The following PIK3C2A variants were observed in gnomAD, a reference collection of about 807,000 sequenced individuals.
PIK3C2A encodes phosphatidylinositol-4-phosphate 3-kinase catalytic subunit type 2 alpha, also known as phosphatidylinositol 4-phosphate 3-kinase C2 domain-containing subunit alpha.
A neutral mutation model predicts 204.5 loss-of-function variants in PIK3C2A; 97 were observed. That is an observed-to-expected ratio of 0.47 (90% CI 0.40 to 0.56). The LOEUF (loss-of-function observed/expected upper bound fraction) is 0.56, where lower values mean the gene tolerates loss of function less well. Among genes scored for constraint, PIK3C2A ranks in the 20% least tolerant of loss-of-function variants. PIK3C2A has a pLI of 0.00. For missense variants in PIK3C2A, 1,735 were observed against 1,969.2 expected, an observed-to-expected ratio of 0.88 and a Z score of 2.25; for synonymous variants, 653 against 664.4, an observed-to-expected ratio of 0.98 and a Z score of 0.26.
At position 17,091,395 on chromosome 11, in the gene PIK3C2A, T is replaced by C. The variant is rs760437458; in HGVS notation, c.4817A>G (p.Lys1606Arg). The C allele has an allele frequency of 1.8e-5, 29 of 1,613,924 alleles. No individual in the cohort carries two copies. The highest frequency in any genetic ancestry group is 1.7e-4 in the Middle Eastern group (1 of 6,060). ...AATTTTGGTTTTACGTTTGGATGTT[T>C]TGTGGTTATCTGGAAGTAGGTATGT... ...VKTYLLPDNH[K>R]TSKRKTKISR... is the part of the protein sequence containing the mutation. Residue 1606 changes from lysine (K) to arginine (R), a missense_variant, in exon 32 of 33, where the codon AAA becomes AGA. Coordinates refer to ENST00000691414, the MANE Select transcript of PIK3C2A (RefSeq NM_002645.4).
chr11:17,128,757 G>T (rs1042788851), intron 13 of PIK3C2A, among the ~76,000 whole-genome samples: 15 of 152,252 alleles, frequency 9.9e-5, no homozygotes, highest in Admixed American at 5.9e-4. Context: ...AAGCTCAAAA[G>T]AAGTTCCTTT....
chr11:17,160,252 A>C (rs564759579), intron 2 of PIK3C2A, among the ~76,000 whole-genome samples: 4 of 152,312 alleles, frequency 2.6e-5, no homozygotes, highest in Non-Finnish European at 5.9e-5. Flanking sequence ...AAACAAGTAA[A>C]GCATTATTAA....
At chr11:17,091,872 A>G in intron 30 of PIK3C2A, 124 bp downstream of exon 30, 1 of 746,120 alleles carries the variant, frequency 1.3e-6, no homozygotes, top group Non-Finnish European at 2.4e-6. Context: ...TGGCTTAGAA[A>G]GAATACTCTC....
intron 1 of PIK3C2A, among the ~76,000 whole-genome samples, chr11:17,178,034 A>G (rs568092426): frequency 6.9e-6 from 1 of 144,782 alleles, no homozygotes; most frequent in Non-Finnish European, 1.5e-5. Flanking sequence ...TGTATGTTGC[A>G]GTGAGCCGAG....
chr11:17,178,761 C>T (rs1190452574), intron 1 of PIK3C2A, among the ~76,000 whole-genome samples: 9 of 133,858 alleles, frequency 6.7e-5, no homozygotes, highest in Non-Finnish European at 9.3e-5. Context: ...CTCGCTCTGT[C>T]GCCCAGGCCG....
intron 1 of PIK3C2A, among the ~76,000 whole-genome samples, chr11:17,188,949 G>T (rs942803940): frequency 2.0e-5 from 3 of 146,992 alleles, no homozygotes; most frequent in Admixed American, 6.6e-5. Flanking sequence ...AAGGGTAAGA[G>T]CAGCAAGGCA....
chr11:17,169,401 G>A lies in PIK3C2A; in HGVS notation c.341C>T (p.Thr114Ile), dbSNP rs1026628913. Residue 114 changes from threonine (T) to isoleucine (I), a missense_variant, in exon 2 of 33, where the codon ACA becomes ATA. Thr to Ile is a moderately conservative substitution (Grantham distance 89). This residue lies in a region of PIK3C2A where 536 missense variants were observed against 546.7 expected (regional missense o/e 0.98). Transcript: ENST00000691414. ...AATAGGAGTAACTGGTAATACAGGT[G>A]TTTTTTTAGTCTCGAAACTGTCATC... The part of the protein sequence containing the change: ...LLDDSFETKK[T>I]PVLPVTPILS... The A allele has an allele frequency of 5.5e-5, 89 of 1,613,920 alleles. No homozygotes were observed. Among genetic ancestry groups the A allele is most frequent in the Non-Finnish European group, 7.3e-5 (86 of 1,179,952 alleles).
Position 17,089,650 on chromosome 11 carries a change from AGT to A in PIK3C2A, c.*86_*87del, listed in dbSNP as rs66708666. ...ATAAAAATACTATACAAAATTAACA[AGT>A]GTGTGTGTGTGTGTCTGTGTGTGTG... is the stretch of plus-strand genomic sequence containing the variant. On this transcript the variant is annotated 3_prime_UTR_variant, in exon 33 of 33. Coordinates refer to ENST00000691414, the MANE Select transcript of PIK3C2A (RefSeq NM_002645.4). The A allele has an allele frequency of 0.071, 48,461 of 681,860 alleles. 5,380 individuals are homozygous for A. Among genetic ancestry groups the A allele is most frequent in the East Asian group, 0.42 (14,651 of 35,234 alleles). The allele number at this position is 681,860 out of a possible 1,614,324, so 42.2% of individuals were successfully genotyped here. A position where few individuals can be genotyped will look rare whatever the true frequency, so the allele number is the denominator to read the frequency against.
In PIK3C2A at chr11:17,193,748, C is replaced by T. The variant is rs12281046; in HGVS notation, c.-66+14100G>A. 7.2e-3 allele frequency among the ~76,000 whole-genome samples: 1,081 copies of T among 150,376 alleles called. 24 individuals carry two copies. Among genetic ancestry groups the T allele is most frequent in the African/African-American group, 0.025 (1,026 of 40,774 alleles). On this transcript the variant is annotated intron_variant, in intron 1 of 32. Coordinates refer to ENST00000691414, the MANE Select transcript of PIK3C2A (RefSeq NM_002645.4). ...GTAGTCCCAGCTACTCGGGAGGCTG[C>T]GGCAGGAGAATTGCTTGAAATCAGA...
At chr11:17,184,060 C>T (rs1851661296) in intron 1 of PIK3C2A, among the ~76,000 whole-genome samples, 1 of 151,916 alleles carries the variant, frequency 6.6e-6, no homozygotes, top group Non-Finnish European at 1.5e-5. Context: ...TTTGAAGTTA[C>T]AGTGAGTTAT....
At chr11:17,184,493 T>C (rs1030584531) in intron 1 of PIK3C2A, among the ~76,000 whole-genome samples, 1 of 152,090 alleles carries the variant, frequency 6.6e-6, no homozygotes, top group South Asian at 2.1e-4. Context: ...AAATAGAAAA[T>C]AGCCGCTTGT....
chr11:17,117,427 T>A, intron 19 of PIK3C2A, 64 bp downstream of exon 19: 1 of 1,119,204 alleles, frequency 8.9e-7, no homozygotes, highest in Non-Finnish European at 1.3e-6. Flanking sequence ...ACTTAATTAG[T>A]CAGCACCATA....
chr11:17,134,247 C>T (rs61762011), intron 11 of PIK3C2A, among the ~76,000 whole-genome samples: 17,646 of 152,128 alleles, frequency 0.12, 1,262 homozygotes, highest in Middle Eastern at 0.24. Flanking sequence ...TGCTCTGTCA[C>T]CCAGGCTGGA....
rs1362419242 is a variant in PIK3C2A, at chr11:17,109,905, T to A, written c.3544+527A>T. Among the ~76,000 whole-genome samples the A allele has an allele frequency of 2.0e-5, 3 of 152,120 alleles. No individual in the cohort carries two copies. The East Asian group carries it at 5.8e-4, about 29-fold the overall frequency. On this transcript the variant is annotated intron_variant, in intron 22 of 32. Coordinates refer to ENST00000691414, the MANE Select transcript of PIK3C2A (RefSeq NM_002645.4). ...CTCACTGGGTCAATTAATGGACACC[T>A]CTGATTACTGCAAAGCATTTATTTA...
In PIK3C2A at chr11:17,197,104, C is replaced by G. The variant is rs1014310325; in HGVS notation, c.-66+10744G>C. Among the ~76,000 whole-genome samples, 7 of 152,026 alleles carry G rather than the reference C, an allele frequency of 4.6e-5. No homozygotes were observed. The East Asian group carries it at 1.4e-3, about 30-fold the overall frequency. ...ACAAGGTCAGGAGGCTCACTGCAAC[C>G]TCCACCTTCCAGCTCAAGCGATCCT... On this transcript the variant is annotated intron_variant, in intron 1 of 32. Transcript: ENST00000691414.
rs371924444 is a variant in PIK3C2A at position 17,164,353 on chromosome 11, T to TAA, written c.1065+4322_1065+4323dup. The stretch of plus-strand genomic sequence containing the variant: ...GGTAAAACAGTGTGAGACCCTGTCT[T>TAA]AAAAAAAAAAAAAAAAAAGACAAAC... On this transcript the variant is annotated intron_variant, in intron 2 of 32. Coordinates refer to ENST00000691414, the MANE Select transcript of PIK3C2A (RefSeq NM_002645.4). Among the ~76,000 whole-genome samples, 387 of 134,852 alleles carry TAA rather than the reference T, an allele frequency of 2.9e-3. 2 individuals carry two copies. Among genetic ancestry groups the TAA allele is most frequent in the African/African-American group, 8.7e-3 (318 of 36,672 alleles). 88.5% of individuals were successfully genotyped at this position (134,852 alleles called of 152,430 possible).
chr11:17,117,648 T>A lies in PIK3C2A; in HGVS notation c.3059A>T (p.Asp1020Val). ...TTCGTATCGGGTACTAAACTGTACA[T>A]CATGCAGGGCATCTTTGAGAAGCCT... ...LYWLLKDALH[D>V]VQFSTRYEHV... is the part of the protein sequence containing the mutation. Residue 1020 changes from aspartate to valine, a missense_variant, in exon 19 of 33, where the codon GAT (aspartate) becomes GTT (valine). Around this residue, in one of 6 missense-constraint regions of PIK3C2A, gnomAD observed 567 missense variants for 576.0 expected, o/e 0.98. Coordinates refer to ENST00000691414, the MANE Select transcript of PIK3C2A (RefSeq NM_002645.4). The A allele has an allele frequency of 6.2e-7, 1 of 1,604,738 alleles. No homozygotes were observed. The highest frequency in any genetic ancestry group is 8.5e-7 in the Non-Finnish European group (1 of 1,174,316).
At chr11:17,110,119 A>G (rs1848949762) in intron 22 of PIK3C2A, among the ~76,000 whole-genome samples, 1 of 151,802 alleles carries the variant, frequency 6.6e-6, no homozygotes, top group Non-Finnish European at 1.5e-5. Flanking sequence ...CACCTGGCTA[A>G]TTTTTGCATT....
At chr11:17,167,569 CAA>C (rs1851007437) in intron 2 of PIK3C2A, among the ~76,000 whole-genome samples, 1 of 152,094 alleles carries the variant, frequency 6.6e-6, no homozygotes, top group Non-Finnish European at 1.5e-5. Flanking sequence ...TGCAGTGAGC[CAA>C]GACTGCACCA....
Sources: gnomAD v4.1 joint callset for allele counts (sites outside exome capture counted in the v4.1 genomes callset) on GRCh38, gnomAD v4.1.1 for gene constraint, gnomAD v4.1.1 regional missense constraint, MANE v1.5 for transcripts, NCBI Gene and HGNC (gene_info 2026-07-23, HGNC 2026-07-21) for gene names.